Variants in PARN observed in about 807,000 individuals in gnomAD.
PARN encodes poly(A)-specific ribonuclease.
In PARN, 71 loss-of-function variants were observed where a neutral mutation model predicts 102.8. That is an observed-to-expected ratio of 0.69 (90% CI 0.57 to 0.84). The LOEUF (loss-of-function observed/expected upper bound fraction) is 0.84, where lower values mean the gene tolerates loss of function less well. Ranked by LOEUF, PARN falls within the 40% of genes least tolerant of loss-of-function variation. PARN has a pLI of 0.00. For synonymous variants in PARN, 261 were observed against 252.9 expected, an observed-to-expected ratio of 1.03 and a Z score of -0.30; for missense variants, 782 against 760.9, an observed-to-expected ratio of 1.03 and a Z score of -0.33.
At chr16:14,457,954 G>C (rs1228092452) in intron 22 of PARN, among the ~76,000 whole-genome samples, 6 of 151,534 alleles carry the variant, frequency 4.0e-5, no homozygotes, top group Non-Finnish European at 8.8e-5. Flanking sequence ...GTGTGAGAGA[G>C]AGAGACAGAG....
chr16:14,490,684 A>T (rs1305891184), intron 21 of PARN, among the ~76,000 whole-genome samples: 3 of 152,162 alleles, frequency 2.0e-5, no homozygotes, highest in Non-Finnish European at 4.4e-5. Flanking sequence ...TGAGGCCCTA[A>T]ATCACCACAT....
At chr16:14,606,678 T>C (rs1439198126) in intron 9 of PARN, among the ~76,000 whole-genome samples, 152 bp from the exon 10 acceptor site, 1 of 152,196 alleles carries the variant, frequency 6.6e-6, no homozygotes, top group African/African-American at 2.4e-5. Flanking sequence ...GCACATTTAT[T>C]TTATAACGTT....
Position 14,627,286 on chromosome 16 carries a change from A to G in PARN, c.228T>C (p.Tyr76=). The change falls in exon 4 of 24, where the codon TAT becomes TAC. Residue 76 remains tyrosine, a synonymous_variant. Transcript: ENST00000437198. ...CAACCTACTTTGAATCTGTGTAGTC[A>G]TACTTAAAAGTGCAAAGGCCAAACT... ...LFQFGLCTFK[Y]DYTDSKYITK... 1 of 1,595,014 alleles carries G rather than the reference A, an allele frequency of 6.3e-7. No homozygotes were observed. The highest frequency in any genetic ancestry group is 8.5e-7 in the Non-Finnish European group (1 of 1,169,998).
At position 14,627,136 on chromosome 16, in the gene PARN, T is replaced by C; in HGVS notation, c.297A>G (p.Arg99=). 1 of 1,605,182 alleles carries C rather than the reference T, an allele frequency of 6.2e-7. No individual in the cohort carries two copies. The highest frequency in any genetic ancestry group is 1.1e-5 in the South Asian group (1 of 90,242). ...AAACAAATTTGACATCTGGTGAGGA[T>C]CTATTGAAGGGTTTCGGGAAAACAT... ...NFYVFPKPFN[R]SSPDVKFVCQ... Residue 99 remains arginine, a synonymous_variant, in exon 5 of 24, where the codon AGA becomes AGG. Transcript: ENST00000437198.
chr16:14,466,121 T>C (rs962996201), intron 22 of PARN, among the ~76,000 whole-genome samples: 4 of 152,060 alleles, frequency 2.6e-5, no homozygotes, highest in Non-Finnish European at 5.9e-5. Flanking sequence ...ATAACAAATC[T>C]GCACATGTAC....
intron 22 of PARN, among the ~76,000 whole-genome samples, chr16:14,458,867 T>C (rs989154801): frequency 3.9e-5 from 6 of 152,068 alleles, no homozygotes; most frequent in African/African-American, 1.4e-4. Flanking sequence ...CGGCACCAGG[T>C]ACAATGGTGA....
chr16:14,530,974 T>TCCA (rs1364122833), intron 21 of PARN, among the ~76,000 whole-genome samples: 42 of 151,192 alleles, frequency 2.8e-4, no homozygotes, highest in Admixed American at 5.3e-4. Context: ...CATTCATTCA[T>TCCA]TCATCCATCC....
chr16:14,507,550 A>G (rs1964960780), intron 21 of PARN, among the ~76,000 whole-genome samples: 1 of 141,986 alleles, frequency 7.0e-6, no homozygotes, highest in Admixed American at 7.1e-5. Context: ...CAAAAAAGGC[A>G]TGGTGGTGTG....
intron 12 of PARN, among the ~76,000 whole-genome samples, chr16:14,595,523 C>T (rs1008707536): frequency 1.3e-5 from 2 of 152,114 alleles, no homozygotes; most frequent in African/African-American, 4.8e-5. Context: ...TGCCACCACT[C>T]CTGGCTAATT....
At chr16:14,579,959 G>C (rs35031816) in intron 18 of PARN, among the ~76,000 whole-genome samples, 17,881 of 151,064 alleles carry the variant, frequency 0.12, 1,313 homozygotes, top group Non-Finnish European at 0.17. Context: ...TTGCAGCCTG[G>C]GTGACAGAGT....
chr16:14,474,751 C>G lies in PARN; in HGVS notation c.1670+7887G>C, dbSNP rs187831181. 2.6e-5 allele frequency among the ~76,000 whole-genome samples: 4 copies of G among 152,336 alleles called. No individual in the cohort carries two copies. The East Asian group carries it at 7.7e-4, about 29-fold the overall frequency. ...TCTGGCTGCCTGATAAGTCAGTTCT[C>G]TGTCCACTCTGCCCTATGGCTTCTG... On this transcript the variant is annotated intron_variant, in intron 22 of 23. Coordinates refer to ENST00000437198, the MANE Select transcript of PARN (RefSeq NM_002582.4).
chr16:14,510,353 A>G (rs1357610774), intron 21 of PARN, among the ~76,000 whole-genome samples: 1 of 152,254 alleles, frequency 6.6e-6, no homozygotes, highest in Non-Finnish European at 1.5e-5. Context: ...ATCATTACAT[A>G]TAAAATATCC....
chr16:14,532,535 G>T (rs1304018206), intron 21 of PARN, among the ~76,000 whole-genome samples: 4 of 152,112 alleles, frequency 2.6e-5, no homozygotes, highest in Non-Finnish European at 5.9e-5. Context: ...TCTTAGTACA[G>T]AGCAAAACGA....
intron 12 of PARN, among the ~76,000 whole-genome samples, chr16:14,599,532 T>C (rs1015383709): frequency 6.6e-6 from 1 of 152,246 alleles, no homozygotes; most frequent in Non-Finnish European, 1.5e-5. Context: ...TAGATTCTTC[T>C]ACTTAGGGAA....
chr16:14,571,665 A>T (rs575717260), intron 18 of PARN, among the ~76,000 whole-genome samples: 1 of 152,200 alleles, frequency 6.6e-6, no homozygotes, highest in Non-Finnish European at 1.5e-5. Context: ...ATGTCACCAC[A>T]GCAGTGACAG....
chr16:14,580,885 A>C lies in PARN; in HGVS notation c.1251T>G (p.Pro417=). ...HVSARSKLIE[P]FFNKLFLMRV... ...CTCTGATTACTTACTTGTTAAAAAA[A>C]GGTTCAATGAGTTTTGATCTGGCAG... The change falls in exon 18 of 24, where the codon CCT becomes CCG. Residue 417 remains proline, a synonymous_variant. Coordinates refer to ENST00000437198, the MANE Select transcript of PARN (RefSeq NM_002582.4). 1 of 1,601,316 alleles carries C rather than the reference A, an allele frequency of 6.2e-7. No homozygotes were observed. The highest frequency in any genetic ancestry group is 8.6e-7 in the Non-Finnish European group (1 of 1,168,692).
Position 14,533,493 on chromosome 16 carries a change from G to C in PARN, c.1480+18528C>G, listed in dbSNP as rs1228315818. Reference sequence around the variant, plus strand: ...AGGGAGAGGGAGAGGGAGAGGGAGAGGTTCCAAACTCTGATTTTTAACAAA... The same window carrying C: ...AGGGAGAGGGAGAGGGAGAGGGAGACGTTCCAAACTCTGATTTTTAACAAA... On this transcript the variant is annotated intron_variant, in intron 21 of 23. Coordinates refer to ENST00000437198, the MANE Select transcript of PARN (RefSeq NM_002582.4). Among the ~76,000 whole-genome samples, 4 of 117,636 alleles carry C rather than the reference G, an allele frequency of 3.4e-5. No individual in the cohort carries two copies. The East Asian group carries it at 1.1e-3, about 32-fold the overall frequency. The allele number at this position is 117,636 out of a possible 152,430, so 77.2% of individuals were successfully genotyped here. A position where few individuals can be genotyped will look rare whatever the true frequency, so the allele number is the denominator to read the frequency against.
intron 18 of PARN, among the ~76,000 whole-genome samples, chr16:14,563,522 G>GTGTGTGTATATA (rs1423811963): frequency 4.0e-4 from 59 of 149,146 alleles, no homozygotes; most frequent in Non-Finnish European, 6.5e-4. Context: ...GTGTGTGTGT[G>GTGTGTGTATATA]TATATAATTC....
At chr16:14,510,190 T>C (rs542969937) in intron 21 of PARN, among the ~76,000 whole-genome samples, 61 of 152,322 alleles carry the variant, frequency 4.0e-4, no homozygotes, top group Admixed American at 1.0e-3. Context: ...TGGGGGAATA[T>C]GTTCATTTGT....
Sources: gnomAD v4.1 joint callset for allele counts (sites outside exome capture counted in the v4.1 genomes callset) on GRCh38, gnomAD v4.1.1 for gene constraint, MANE v1.5 for transcripts, NCBI Gene and HGNC (gene_info 2026-07-23, HGNC 2026-07-21) for gene names.